Variants in LRGUK observed in about 807,000 individuals in gnomAD.
The protein encoded by LRGUK is leucine-rich repeat and guanylate kinase domain-containing protein.
Under a neutral mutation model 76.0 loss-of-function variants are expected in LRGUK, and 65 were observed. The observed-to-expected ratio is 0.85, with a 90% CI of 0.70 to 1.05. The LOEUF is 1.05. Ranked by LOEUF, LRGUK falls within the 50% of genes least tolerant of loss-of-function variation. LRGUK has a pLI of 0.00. For synonymous variants in LRGUK, 268 were observed against 265.6 expected (o/e 1.01, Z -0.09); for missense variants, 758 against 732.8 (o/e 1.03, Z -0.40).
At chr7:134,221,213 CT>C (rs1385466180) in intron 15 of LRGUK, among the ~76,000 whole-genome samples, 1 of 152,106 alleles carries the variant, frequency 6.6e-6, no homozygotes, top group Non-Finnish European at 1.5e-5. Flanking sequence ...ATTGTTGATG[CT>C]CCCATATAGC....
At chr7:134,146,561 G>A (rs565865322) in intron 4 of LRGUK, among the ~76,000 whole-genome samples, 8 of 152,104 alleles carry the variant, frequency 5.3e-5, no homozygotes, top group African/African-American at 1.9e-4. Flanking sequence ...TACATTTGGT[G>A]TTCTGATTTT....
chr7:134,210,769 T>G (rs527815394), downstream of LRGUK, among the ~76,000 whole-genome samples: 1 of 152,146 alleles, frequency 6.6e-6, no homozygotes, highest in African/African-American at 2.4e-5. Flanking sequence ...AGGGGAGAGG[T>G]CAGGCCAGAG....
At chr7:134,276,612 A>T in the LRGUK span, among the ~76,000 whole-genome samples, 1 of 152,136 alleles carries the variant, frequency 6.6e-6, no homozygotes, top group African/African-American at 2.4e-5. Flanking sequence ...AAGTGGTGGA[A>T]AATAGAAAGG....
At chr7:134,176,711 G>A (rs1799495401) in intron 8 of LRGUK, among the ~76,000 whole-genome samples, 1 of 152,076 alleles carries the variant, frequency 6.6e-6, no homozygotes, top group South Asian at 2.1e-4. Context: ...AAGAAATGAA[G>A]ATAATCCACC....
chr7:134,145,255 CT>C (rs983218922), intron 4 of LRGUK, among the ~76,000 whole-genome samples: 8 of 150,458 alleles, frequency 5.3e-5, no homozygotes, highest in African/African-American at 1.5e-4. Context: ...CTTTTCTTTT[CT>C]TTTTTTTTAA....
intron 16 of LRGUK, among the ~76,000 whole-genome samples, chr7:134,245,830 C>G (rs1802286701): frequency 6.6e-6 from 1 of 152,042 alleles, no homozygotes; most frequent in South Asian, 2.1e-4. Context: ...TCACAGCAGA[C>G]TTGGTTAATA....
At chr7:134,249,186 C>T (rs1013799686) in intron 18 of LRGUK, 110 bp downstream of exon 18, 1 of 1,222,336 alleles carries the variant, frequency 8.2e-7, no homozygotes, top group Non-Finnish European at 1.1e-6. Flanking sequence ...GAAGCAGGGC[C>T]CTAACTCCCG....
intron 16 of LRGUK, among the ~76,000 whole-genome samples, chr7:134,227,546 G>C (rs997626075): frequency 2.0e-5 from 3 of 152,084 alleles, no homozygotes; most frequent in African/African-American, 2.4e-5. Flanking sequence ...AGAATCCCCA[G>C]ATGATAGGAA....
At chr7:134,188,212 T>A (rs569116085) in intron 11 of LRGUK, among the ~76,000 whole-genome samples, 1 of 152,190 alleles carries the variant, frequency 6.6e-6, no homozygotes, top group Non-Finnish European at 1.5e-5. Context: ...ATGGGTGCTA[T>A]GATGAGGGAG....
intron 18 of LRGUK, among the ~76,000 whole-genome samples, chr7:134,251,023 C>CT (rs1802430240): frequency 6.6e-6 from 1 of 152,162 alleles, no homozygotes. Context: ...AGAACTTGCT[C>CT]TGTGATGCCT....
intron 7 of LRGUK, among the ~76,000 whole-genome samples, chr7:134,173,052 C>T (rs371746293): frequency 2.6e-5 from 4 of 151,822 alleles, no homozygotes; most frequent in Admixed American, 6.6e-5. Context: ...GAAATTAATC[C>T]GTTGTTCACA....
At chr7:134,143,066 A>G (rs749068774) in exon 4 of LRGUK, 1 of 1,556,102 alleles carries the variant, frequency 6.4e-7, no homozygotes, top group Admixed American at 1.7e-5. Context: ...CCGTAGATTT[A>G]TCTTGTGTGA....
At chr7:134,237,801 G>C (rs1449413930) in intron 16 of LRGUK, among the ~76,000 whole-genome samples, 1 of 152,112 alleles carries the variant, frequency 6.6e-6, no homozygotes, top group African/African-American at 2.4e-5. Context: ...CATAAATTCA[G>C]TTAGTATTTC....
intron 1 of LRGUK, among the ~76,000 whole-genome samples, chr7:134,136,566 T>C (rs1033254543): frequency 3.3e-5 from 5 of 152,186 alleles, no homozygotes; most frequent in Admixed American, 3.3e-4. Flanking sequence ...TGTCACATAC[T>C]ATCTGTTTGG....
At chr7:134,179,243 A>G (rs949246337) in intron 10 of LRGUK, among the ~76,000 whole-genome samples, 2 of 152,190 alleles carry the variant, frequency 1.3e-5, no homozygotes, top group Non-Finnish European at 2.9e-5. Flanking sequence ...ATTCGAAGAC[A>G]GATTTACCAT....
chr7:134,173,219 C>G (rs1012833522), intron 7 of LRGUK, among the ~76,000 whole-genome samples: 1 of 152,160 alleles, frequency 6.6e-6, no homozygotes, highest in Non-Finnish European at 1.5e-5. Flanking sequence ...TTAATGTGTT[C>G]AGGTTGTAGA....
rs540968475 is a variant in LRGUK at position 134,133,754 on chromosome 7, G to A, written c.298-3269G>A. On this transcript the variant is annotated intron_variant, in intron 1 of 15. Coordinates refer to ENST00000645682, the Ensembl canonical transcript of LRGUK. ...AACAAGGATCAGAGACTTGAAGATA[G>A]AGAGAAATTGAAATTGCGTATGGGT... Among the ~76,000 whole-genome samples the A allele has an allele frequency of 5.4e-4, 82 of 152,244 alleles. 1 individual carries two copies. The South Asian group carries it at 0.016, about 29-fold the overall frequency.
At chr7:134,201,204 C>T (rs192198703) in intron 14 of LRGUK, among the ~76,000 whole-genome samples, 184 of 152,286 alleles carry the variant, frequency 1.2e-3, no homozygotes, top group Admixed American at 3.1e-3. Context: ...CCAAAGTCAA[C>T]CCGTTAATAA....
chr7:134,163,944 G>A (rs913131611), intron 7 of LRGUK, among the ~76,000 whole-genome samples: 4 of 152,062 alleles, frequency 2.6e-5, no homozygotes, highest in Non-Finnish European at 4.4e-5. Flanking sequence ...AAAAGTCTAG[G>A]GCCATGATGG....
Sources: allele counts gnomAD v4.1 joint callset (sites outside exome capture counted in the v4.1 genomes callset), GRCh38; gene constraint gnomAD v4.1.1; transcripts MANE v1.5; gene names NCBI Gene and HGNC (gene_info 2026-07-23, HGNC 2026-07-21).